The following CCDC30 variants were observed in gnomAD, a reference collection of about 807,000 sequenced individuals.
The protein encoded by CCDC30 is coiled-coil domain-containing protein 30.
In CCDC30, 70 loss-of-function variants were observed where a neutral mutation model predicts 100.2. That is an observed-to-expected ratio of 0.70 (90% CI 0.58 to 0.85). The LOEUF (loss-of-function observed/expected upper bound fraction) is 0.85, where lower values mean the gene tolerates loss of function less well. Among genes scored for constraint, CCDC30 ranks in the 40% least tolerant of loss-of-function variants. CCDC30 has a pLI of 0.00. For synonymous variants in CCDC30, 233 were observed against 269.5 expected, an observed-to-expected ratio of 0.86 and a Z score of 1.33; for missense variants, 652 against 771.2, an observed-to-expected ratio of 0.85 and a Z score of 1.83.
intron 7 of CCDC30, among the ~76,000 whole-genome samples, chr1:42,574,217 C>G (rs1645789284): frequency 6.6e-6 from 1 of 152,024 alleles, no homozygotes; most frequent in South Asian, 2.1e-4. Context: ...TTGCAAAAAA[C>G]TCATCCCTAA....
At chr1:42,604,387 A>G (rs981407556) in intron 10 of CCDC30, among the ~76,000 whole-genome samples, 4 of 152,220 alleles carry the variant, frequency 2.6e-5, no homozygotes, top group African/African-American at 9.7e-5. Flanking sequence ...TCTTCCATCA[A>G]TAGCCCTCAC....
Position 42,468,411 on chromosome 1 carries a change from G to A in CCDC30, c.-92+4513G>A, listed in dbSNP as rs113135000. 6.1e-3 allele frequency among the ~76,000 whole-genome samples: 925 copies of A among 152,140 alleles called. 6 individuals are homozygous for A. Among genetic ancestry groups the A allele is most frequent in the African/African-American group, 0.021 (863 of 41,426 alleles). ...AAAGGAGTAAGGAGCAAGAAAGGGG[G>A]CATCACATTCCTTAAGGACAGTTTC... is the stretch of plus-strand genomic sequence containing the variant. On this transcript the variant is annotated intron_variant, in intron 1 of 16. Transcript: ENST00000668663.
At chr1:42,473,376 T>A in intron 1 of CCDC30, 2 of 856,728 alleles carry the variant, frequency 2.3e-6, no homozygotes, top group Non-Finnish European at 3.1e-6. Context: ...ATTGACATAT[T>A]AAAAACTAAT....
At chr1:42,459,597 A>G (rs192868677), upstream of CCDC30, 9 of 1,610,210 alleles carry the variant, frequency 5.6e-6, no homozygotes, top group Admixed American at 1.7e-5. Flanking sequence ...TCTTTTTCCA[A>G]TACAGATAAC....
intron 7 of CCDC30, among the ~76,000 whole-genome samples, chr1:42,570,185 G>A (rs999313453): frequency 6.6e-6 from 1 of 151,700 alleles, no homozygotes; most frequent in Non-Finnish European, 1.5e-5. Context: ...TAGTGGCTTG[G>A]TGCAGTGGCT....
intron 1 of CCDC30, among the ~76,000 whole-genome samples, chr1:42,475,379 C>T (rs1227171386): frequency 1.3e-5 from 2 of 151,952 alleles, no homozygotes; most frequent in African/African-American, 4.8e-5. Flanking sequence ...ATTATGCAAA[C>T]TGTATTTGTA....
At chr1:42,656,209 A>C (rs1648653055), downstream of CCDC30, among the ~76,000 whole-genome samples, 1 of 152,150 alleles carries the variant, frequency 6.6e-6, no homozygotes. Flanking sequence ...GCTGTGTTGA[A>C]GGTCTTTGTG....
intron 6 of CCDC30, among the ~76,000 whole-genome samples, chr1:42,553,334 C>T (rs1046321174): frequency 5.3e-5 from 8 of 151,968 alleles, no homozygotes; most frequent in African/African-American, 1.9e-4. Context: ...GTCTTGAGTT[C>T]CCTAGCTGGT....
intron 10 of CCDC30, among the ~76,000 whole-genome samples, chr1:42,610,604 T>C (rs973953840): frequency 8.5e-5 from 13 of 152,096 alleles, no homozygotes; most frequent in Non-Finnish European, 1.8e-4. Context: ...TTATATTTTT[T>C]TGTAGATATG....
chr1:42,656,882 A>AT (rs1329586171), downstream of CCDC30, among the ~76,000 whole-genome samples: 2 of 152,116 alleles, frequency 1.3e-5, no homozygotes, highest in Admixed American at 1.3e-4. Context: ...TCAATGTACT[A>AT]TTTTTTTCAC....
intron 11 of CCDC30, 72 bp from the exon 16 acceptor site, chr1:42,637,165 G>A (rs1647176704): frequency 3.3e-6 from 4 of 1,207,748 alleles, no homozygotes; most frequent in Admixed American, 2.6e-5. Context: ...ACCCAAGAAA[G>A]GTGCATATTG....
At chr1:42,637,655 A>T (rs74068487) in intron 12 of CCDC30, among the ~76,000 whole-genome samples, 3,676 of 152,144 alleles carry the variant, frequency 0.024, 126 homozygotes, top group African/African-American at 0.079. Flanking sequence ...TTTCTTGAAC[A>T]CTCCTGAGCA....
chr1:42,543,287 T>C (rs1057243422), intron 6 of CCDC30, among the ~76,000 whole-genome samples: 3 of 151,428 alleles, frequency 2.0e-5, no homozygotes. Flanking sequence ...TTTTTTTTTT[T>C]TCCCCTCCTT....
chr1:42,597,342 G>A (rs902047615), intron 10 of CCDC30, among the ~76,000 whole-genome samples: 11 of 152,020 alleles, frequency 7.2e-5, no homozygotes, highest in Non-Finnish European at 1.3e-4. Flanking sequence ...CAGGATAAAT[G>A]CCCAAAAAAC....
At chr1:42,619,279 G>A (rs1171937447) in intron 11 of CCDC30, among the ~76,000 whole-genome samples, 4 of 152,128 alleles carry the variant, frequency 2.6e-5, no homozygotes, top group Non-Finnish European at 5.9e-5. Flanking sequence ...TTAACAAATA[G>A]GAGAAAGAGG....
At chr1:42,589,223 CAAA>C (rs57920969) in intron 9 of CCDC30, 95 bp from the exon 14 acceptor site, 8,305 of 804,534 alleles carry the variant, frequency 0.01, no homozygotes, top group South Asian at 0.012. Flanking sequence ...TTCATTGAAC[CAAA>C]AAAAAAAAAA....
intron 1 of CCDC30, among the ~76,000 whole-genome samples, chr1:42,474,612 C>T (rs1005637879): frequency 6.6e-5 from 10 of 152,214 alleles, no homozygotes; most frequent in African/African-American, 1.7e-4. Context: ...TCAGTTATTT[C>T]GGTAGTCTAC....
At chr1:42,584,156 A>C (rs182350567) in intron 9 of CCDC30, among the ~76,000 whole-genome samples, 28 of 152,324 alleles carry the variant, frequency 1.8e-4, no homozygotes, top group African/African-American at 6.0e-4. Context: ...CTGTTCTCTA[A>C]ATCTTACACA....
At chr1:42,602,742 G>C (rs533360217) in intron 10 of CCDC30, among the ~76,000 whole-genome samples, 1 of 152,196 alleles carries the variant, frequency 6.6e-6, no homozygotes, top group Non-Finnish European at 1.5e-5. Flanking sequence ...ATTCTCTGTA[G>C]TCTCTTTAGG....
Sources: gnomAD v4.1 joint callset for allele counts (sites outside exome capture counted in the v4.1 genomes callset) on GRCh38, gnomAD v4.1.1 for gene constraint, MANE v1.5 for transcripts, NCBI Gene and HGNC (gene_info 2026-07-23, HGNC 2026-07-21) for gene names.